The following RABEP1 variants were observed in gnomAD, a reference collection of about 807,000 sequenced individuals.
RABEP1 encodes rab GTPase-binding effector protein 1.
In RABEP1, 51 loss-of-function variants were observed where a neutral mutation model predicts 123.4. The observed-to-expected ratio is 0.41, with a 90% confidence interval of 0.33 to 0.52. The LOEUF (loss-of-function observed/expected upper bound fraction) is 0.52, where lower values mean the gene tolerates loss of function less well. Among genes scored for constraint, RABEP1 ranks in the 20% least tolerant of loss-of-function variants. RABEP1 has a pLI of 0.16. For missense variants in RABEP1, 888 were observed against 996.3 expected (o/e 0.89, Z 1.46); for synonymous variants, 347 against 355.2 (o/e 0.98, Z 0.26).
intron 7 of RABEP1, among the ~76,000 whole-genome samples, chr17:5,354,114 A>G (rs1456773190): frequency 6.6e-6 from 1 of 151,978 alleles, no homozygotes; most frequent in Non-Finnish European, 1.5e-5. Context: ...TATACAGTAT[A>G]CTTTTCTTGG....
intron 5 of RABEP1, among the ~76,000 whole-genome samples, chr17:5,345,485 AT>A (rs1008048377): frequency 6.6e-6 from 1 of 152,186 alleles, no homozygotes; most frequent in African/African-American, 2.4e-5. Context: ...AATATTAGAA[AT>A]TCATTATTAA....
Position 5,361,543 on chromosome 17 carries a change from G to A in RABEP1, c.1431G>A (p.Lys477=). The A allele has an allele frequency of 6.2e-7, 1 of 1,614,190 alleles. No individual in the cohort carries two copies. Among genetic ancestry groups the A allele is most frequent in the Non-Finnish European group, 8.5e-7 (1 of 1,180,034 alleles). ...CCAAAGATCAGGAAAGAGCAATCAA[G>A]GCGATGACACCAGAACAAGAAGAGA... ...MLTKDQERAI[K]AMTPEQEETA... The change falls in exon 9 of 18, where the codon AAG becomes AAA. Residue 477 remains lysine (K), a synonymous_variant. Coordinates refer to ENST00000537505, the MANE Select transcript of RABEP1 (RefSeq NM_004703.6).
chr17:5,335,611 G>GCCACCTGTCACTACTCTCCTCTC (rs1906999233), intron 4 of RABEP1, among the ~76,000 whole-genome samples: 1 of 152,054 alleles, frequency 6.6e-6, no homozygotes, highest in African/African-American at 2.4e-5. Flanking sequence ...ACTTCCCTCT[G>GCCACCTGTCACTACTCTCCTCTC]CCACCTGTCA....
chr17:5,311,189 T>C (rs986806193), intron 2 of RABEP1, among the ~76,000 whole-genome samples: 1 of 152,134 alleles, frequency 6.6e-6, no homozygotes, highest in African/African-American at 2.4e-5. Context: ...GCTGACTCAC[T>C]AGGGCACTGG....
intron 1 of RABEP1, among the ~76,000 whole-genome samples, chr17:5,289,549 G>A (rs559211039): frequency 1.3e-5 from 2 of 149,722 alleles, no homozygotes; most frequent in African/African-American, 4.9e-5. Context: ...TTTATATTTT[G>A]TAGTCCAATC....
intron 17 of RABEP1, among the ~76,000 whole-genome samples, chr17:5,382,620 C>T (rs974715298): frequency 2.4e-4 from 37 of 151,788 alleles, no homozygotes; most frequent in Admixed American, 1.9e-3. Context: ...GGCATGGTGG[C>T]GTGTGCTTAT....
At chr17:5,356,679 G>T (rs1271158227) in intron 8 of RABEP1, 2 of 149,520 alleles carry the variant, frequency 1.3e-5, no homozygotes, top group Non-Finnish European at 2.9e-5. Context: ...TTGAGACAGG[G>T]TCTCACTCTC....
intron 2 of RABEP1, among the ~76,000 whole-genome samples, chr17:5,310,936 A>G (rs1351295183): frequency 6.6e-6 from 1 of 150,512 alleles, no homozygotes; most frequent in Non-Finnish European, 1.5e-5. Flanking sequence ...TAGCCTCCCT[A>G]GTAGCTGGGG....
rs199560324 is a variant in RABEP1 at position 5,299,719 on chromosome 17, CTTTTTCT to C, written c.35-8970_35-8964del. 2.4e-4 allele frequency among the ~76,000 whole-genome samples: 24 copies of C among 98,834 alleles called. 1 individual carries two copies. Among genetic ancestry groups the C allele is most frequent in the East Asian group, 5.2e-4 (1 of 1,936 alleles). The allele number at this position is 98,834 out of a possible 152,430, so 64.8% of individuals were successfully genotyped here. On this transcript the variant is annotated intron_variant, in intron 1 of 17. Coordinates refer to ENST00000537505, the MANE Select transcript of RABEP1 (RefSeq NM_004703.6). The stretch of plus-strand genomic sequence containing the variant: ...TCATTTCTTTTTCTTTTTTTCTTTT[CTTTTTCT>C]TTTTCTTTTTTTTTTTTTTTTGGAG...
intron 1 of RABEP1, among the ~76,000 whole-genome samples, chr17:5,297,424 G>A (rs1340283712): frequency 1.3e-5 from 2 of 152,156 alleles, no homozygotes; most frequent in African/African-American, 4.8e-5. Context: ...GTATTACACC[G>A]TTTACAACTT....
chr17:5,357,062 G>A (rs143116878), intron 8 of RABEP1, among the ~76,000 whole-genome samples: 4,414 of 151,994 alleles, frequency 0.029, 71 homozygotes, highest in Middle Eastern at 0.065. Flanking sequence ...ATTTTTAGTA[G>A]AGATGGGGTT....
chr17:5,319,354 A>C lies in RABEP1; in HGVS notation c.163+10532A>C, dbSNP rs538473471. The stretch of plus-strand genomic sequence containing the variant: ...AAAAAAAAAAAAACAAAAAAACAAA[A>C]AAAAAAAACATATATATTTTTTTCC... On this transcript the variant is annotated intron_variant, in intron 2 of 17. Coordinates refer to ENST00000537505, the MANE Select transcript of RABEP1 (RefSeq NM_004703.6). Among the ~76,000 whole-genome samples, 289 of 113,200 alleles carry C rather than the reference A, an allele frequency of 2.6e-3. 3 individuals are homozygous for C. Among genetic ancestry groups the C allele is most frequent in the South Asian group, 0.021 (83 of 3,958 alleles). The allele number at this position is 113,200 out of a possible 152,430, so 74.3% of individuals were successfully genotyped here. A position where few individuals can be genotyped will look rare whatever the true frequency, so the allele number is the denominator to read the frequency against.
At chr17:5,323,898 G>T in intron 2 of RABEP1, among the ~76,000 whole-genome samples, 1 of 126,238 alleles carries the variant, frequency 7.9e-6, no homozygotes, top group Non-Finnish European at 1.6e-5. Flanking sequence ...AACCAAAGAA[G>T]CGAAAGATCT....
At chr17:5,376,336 G>GA (rs953482197) in intron 13 of RABEP1, among the ~76,000 whole-genome samples, 1 of 150,962 alleles carries the variant, frequency 6.6e-6, no homozygotes, top group African/African-American at 2.4e-5. Context: ...TCAAGAAAAA[G>GA]AAAAAAAAAG....
chr17:5,340,792 C>T (rs1051050490), intron 5 of RABEP1, among the ~76,000 whole-genome samples: 1 of 151,242 alleles, frequency 6.6e-6, no homozygotes, highest in Non-Finnish European at 1.5e-5. Context: ...ACTAAAAATG[C>T]AAAAAATTAG....
At chr17:5,292,205 C>T (rs2075040205) in intron 1 of RABEP1, among the ~76,000 whole-genome samples, 1 of 152,200 alleles carries the variant, frequency 6.6e-6, no homozygotes, top group African/African-American at 2.4e-5. Flanking sequence ...TTAAAGTGTT[C>T]TTGCCAATAG....
chr17:5,317,761 A>G (rs1282585575), intron 2 of RABEP1, among the ~76,000 whole-genome samples: 1 of 152,142 alleles, frequency 6.6e-6, no homozygotes, highest in Non-Finnish European at 1.5e-5. Flanking sequence ...TAATTTCAGG[A>G]TAGGGGATGG....
chr17:5,310,091 A>G (rs1474467886), intron 2 of RABEP1, among the ~76,000 whole-genome samples: 2 of 152,212 alleles, frequency 1.3e-5, no homozygotes, highest in Admixed American at 6.5e-5. Flanking sequence ...AGATGATTCC[A>G]GTTACTGCTA....
chr17:5,333,083 C>T (rs983641743), intron 3 of RABEP1, among the ~76,000 whole-genome samples: 1 of 152,112 alleles, frequency 6.6e-6, no homozygotes, highest in African/African-American at 2.4e-5. Flanking sequence ...GAATTACTTC[C>T]CAAATTTCTG....
Sources: gnomAD v4.1 joint callset for allele counts (sites outside exome capture counted in the v4.1 genomes callset) on GRCh38, gnomAD v4.1.1 for gene constraint, MANE v1.5 for transcripts, NCBI Gene and HGNC (gene_info 2026-07-23, HGNC 2026-07-21) for gene names.